KRABD4: variants seen among roughly 807,000 people sequenced by gnomAD.
KRABD4 encodes the protein KRAB domain-containing protein 4.
chrX:46,473,775 C>A, the KRABD4 span: 1 of 147,041 alleles, frequency 6.8e-6, no homozygotes. Flanking sequence ...CTGCCTCAAC[C>A]TCCCAAATAG....
chrX:46,457,078 G>T, the KRABD4 span: 1 of 377,056 alleles, frequency 2.7e-6, no homozygotes, highest in East Asian at 5.4e-5. Context: ...TCCCTCCGTG[G>T]CGCATTTTTC....
chrX:46,466,854 A>G, the KRABD4 span, among the ~76,000 whole-genome samples: 1 of 112,150 alleles, frequency 8.9e-6, no homozygotes, highest in Non-Finnish European at 1.9e-5. Context: ...AACTACTACT[A>G]CAATCAAAGC....
chrX:46,462,977 C>T, the KRABD4 span: 7 of 1,140,595 alleles, frequency 6.1e-6, no homozygotes, highest in Non-Finnish European at 3.5e-6. Flanking sequence ...TGTGGGTTAC[C>T]ACCCTCAGTG....
chrX:46,453,549 G>A, the KRABD4 span, among the ~76,000 whole-genome samples: 1 of 111,419 alleles, frequency 9.0e-6, no homozygotes, highest in African/African-American at 3.3e-5. Flanking sequence ...CATAAGAAAT[G>A]CCATAACCCA....
chrX:46,471,836 T>G, the KRABD4 span, among the ~76,000 whole-genome samples: 9 of 112,369 alleles, frequency 8.0e-5, no homozygotes, highest in African/African-American at 2.9e-4. Context: ...AATATTCCAT[T>G]GTGGATCACT....
the KRABD4 span, among the ~76,000 whole-genome samples, chrX:46,462,250 G>A: frequency 1.8e-5 from 2 of 111,916 alleles, no homozygotes; most frequent in Admixed American, 9.4e-5. Context: ...GATGGCTCAC[G>A]CCTGTAATCC....
chrX:46,456,916 A>T, the KRABD4 span: 1 of 302,560 alleles, frequency 3.3e-6, no homozygotes, highest in Admixed American at 5.4e-5. Flanking sequence ...CGCTGAGAAA[A>T]AACCCAACTT....
At chrX:46,458,840 G>A in the KRABD4 span, among the ~76,000 whole-genome samples, 1 of 111,647 alleles carries the variant, frequency 9.0e-6, no homozygotes, top group East Asian at 2.8e-4. Flanking sequence ...AGGTGGCATT[G>A]CTTATGATAA....
chrX:46,455,154 A>G, the KRABD4 span: 2 of 880,168 alleles, frequency 2.3e-6, no homozygotes, highest in Non-Finnish European at 3.2e-6. Flanking sequence ...TCAACACAGC[A>G]TGATCACTAA....
the KRABD4 span, among the ~76,000 whole-genome samples, chrX:46,447,503 C>T: frequency 1.1e-4 from 12 of 111,265 alleles, no homozygotes; most frequent in Non-Finnish European, 1.7e-4. Flanking sequence ...CCGCCTGAGA[C>T]AGGCCCCTTG....
At chrX:46,458,440 A>G in the KRABD4 span, among the ~76,000 whole-genome samples, 4 of 111,985 alleles carry the variant, frequency 3.6e-5, no homozygotes, top group Non-Finnish European at 5.6e-5. Context: ...TAATATATCA[A>G]TAAGACAAGA....
chrX:46,461,973 C>T, the KRABD4 span, among the ~76,000 whole-genome samples: 1 of 110,854 alleles, frequency 9.0e-6, no homozygotes, highest in African/African-American at 3.3e-5. Flanking sequence ...TCACTTTTCT[C>T]CCTCCACTAA....
At chrX:46,453,374 A>G in the KRABD4 span, among the ~76,000 whole-genome samples, 2 of 112,166 alleles carry the variant, frequency 1.8e-5, no homozygotes, top group Non-Finnish European at 3.8e-5. Context: ...GATTGATCAA[A>G]TACCTAAATA....
the KRABD4 span, among the ~76,000 whole-genome samples, chrX:46,465,628 GT>G: frequency 8.9e-6 from 1 of 112,100 alleles, no homozygotes; most frequent in African/African-American, 3.3e-5. Flanking sequence ...ATTTAATGTG[GT>G]TGTTAACCAG....
the KRABD4 span, among the ~76,000 whole-genome samples, chrX:46,468,383 C>G: frequency 9.1e-6 from 1 of 109,724 alleles, no homozygotes; most frequent in East Asian, 2.8e-4. Flanking sequence ...AAAAAATTAG[C>G]TGGGCATGGT....
At chrX:46,451,267 T>C in the KRABD4 span, among the ~76,000 whole-genome samples, 1 of 112,192 alleles carries the variant, frequency 8.9e-6, no homozygotes, top group Non-Finnish European at 1.9e-5. Context: ...TTGGGTTAAA[T>C]GGTGGGGTAG....
At chrX:46,456,842 G>A in the KRABD4 span, 11 of 430,988 alleles carry the variant, frequency 2.6e-5, no homozygotes, top group South Asian at 8.1e-4. Flanking sequence ...GTTGCAGGAT[G>A]GTATGTAATG....
the KRABD4 span, among the ~76,000 whole-genome samples, chrX:46,460,427 A>AG: frequency 9.2e-6 from 1 of 109,022 alleles, no homozygotes; most frequent in Non-Finnish European, 1.9e-5. Flanking sequence ...CAAAAAAAAA[A>AG]AAAAGCTGGG....
the KRABD4 span, chrX:46,455,501 G>T: frequency 2.3e-6 from 1 of 428,753 alleles, no homozygotes; most frequent in Non-Finnish European, 4.3e-6. Flanking sequence ...ATAGCAGTTT[G>T]TCCACCTGAG....
Sources: gnomAD v4.1 joint callset for allele counts (sites outside exome capture counted in the v4.1 genomes callset) on GRCh38, gnomAD v4.1.1 for gene constraint, MANE v1.5 for transcripts, NCBI Gene and HGNC (gene_info 2026-07-23, HGNC 2026-07-21) for gene names.